The following C10orf143 variants were observed in gnomAD, a reference collection of about 807,000 sequenced individuals.
C10orf143 encodes chromosome 10 open reading frame 143.
intron 1 of C10orf143, chr10:130,107,258 C>T (rs774005782): frequency 9.1e-6 from 11 of 1,211,406 alleles, no homozygotes; most frequent in Admixed American, 5.0e-5. Flanking sequence ...GGAAAATAGC[C>T]GGTTAGAGAA....
At chr10:130,052,918 G>A (rs563736364) in intron 3 of C10orf143, among the ~76,000 whole-genome samples, 9 of 152,196 alleles carry the variant, frequency 5.9e-5, no homozygotes, top group African/African-American at 9.7e-5. Context: ...GAGGTCATTC[G>A]TACAGTAAAC....
chr10:130,106,690 C>G, intron 1 of C10orf143: 1 of 1,228,920 alleles, frequency 8.1e-7, no homozygotes, highest in South Asian at 1.2e-5. Context: ...TGAATGAAAA[C>G]TCTCACCTTC....
At chr10:130,099,025 T>C (rs1463584386) in intron 1 of C10orf143, among the ~76,000 whole-genome samples, 1 of 149,662 alleles carries the variant, frequency 6.7e-6, no homozygotes, top group Non-Finnish European at 1.5e-5. Flanking sequence ...GGGGCGGAGG[T>C]TGCAGTGAGC....
At chr10:130,105,529 G>A (rs1861626634) in intron 1 of C10orf143, among the ~76,000 whole-genome samples, 2 of 152,054 alleles carry the variant, frequency 1.3e-5, no homozygotes, top group South Asian at 2.1e-4. Context: ...TCAGGAGTTC[G>A]AGACCAGTCT....
chr10:130,084,486 C>G (rs560465410), intron 1 of C10orf143, among the ~76,000 whole-genome samples: 3 of 152,226 alleles, frequency 2.0e-5, no homozygotes, highest in African/African-American at 7.2e-5. Flanking sequence ...CTGTAAATAA[C>G]AAGAGCAAAG....
At chr10:130,086,983 C>G (rs1282108344) in intron 1 of C10orf143, among the ~76,000 whole-genome samples, 2 of 152,230 alleles carry the variant, frequency 1.3e-5, no homozygotes, top group Non-Finnish European at 2.9e-5. Flanking sequence ...AGGGTCCCGA[C>G]AGCCTGTAGT....
intron 3 of C10orf143, among the ~76,000 whole-genome samples, chr10:130,069,354 G>T (rs1860992857): frequency 6.6e-6 from 1 of 152,150 alleles, no homozygotes; most frequent in Admixed American, 6.5e-5. Context: ...AAATTATAAT[G>T]ATAGAGAAAT....
chr10:130,056,373 C>T lies in C10orf143; in HGVS notation c.298-20403G>A, dbSNP rs551685086. ...GGATGAGGGCAGCACCCCTGAGAGC[C>T]GCTGCATGCACAGGGCTCAACAGCA... On this transcript the variant is annotated intron_variant and NMD_transcript_variant, in intron 3 of 5. Transcript: ENST00000643056. This position sits in a 1 kb window ranked among gnomAD's most constrained non-coding sequence, Gnocchi z 4.6. Among the ~76,000 whole-genome samples, 62 of 152,150 alleles carry T rather than the reference C, an allele frequency of 4.1e-4. 1 individual carries two copies. The highest frequency in any genetic ancestry group is 2.9e-3 in the Admixed American group (44 of 15,290).
intron 1 of C10orf143, among the ~76,000 whole-genome samples, chr10:130,100,830 G>A (rs1479712349): frequency 1.3e-5 from 2 of 152,160 alleles, no homozygotes; most frequent in Non-Finnish European, 2.9e-5. Context: ...ATAGCATCAG[G>A]GAACTGTGGG....
At chr10:130,050,758 T>C (rs1159547637) in intron 3 of C10orf143, among the ~76,000 whole-genome samples, 4 of 152,220 alleles carry the variant, frequency 2.6e-5, no homozygotes, top group African/African-American at 9.6e-5. Flanking sequence ...TAAGAGATTG[T>C]TTTGAATATA....
At chr10:130,076,394 C>T (rs1861119271) in intron 3 of C10orf143, among the ~76,000 whole-genome samples, 1 of 152,128 alleles carries the variant, frequency 6.6e-6, no homozygotes, top group Admixed American at 6.5e-5. Flanking sequence ...GTCTGGGAAA[C>T]AGTCTCCACA....
chr10:130,092,491 T>C (rs1415721483), intron 1 of C10orf143, among the ~76,000 whole-genome samples: 1 of 152,122 alleles, frequency 6.6e-6, no homozygotes, highest in Non-Finnish European at 1.5e-5. Context: ...ATCGACAGTA[T>C]GAAGAAACTG....
At position 130,056,479 on chromosome 10, in the gene C10orf143, A is replaced by G. The variant is rs1178519814; in HGVS notation, c.298-20509T>C. Among the ~76,000 whole-genome samples the G allele has an allele frequency of 6.6e-6, 1 of 152,258 alleles. No individual in the cohort carries two copies. Among genetic ancestry groups the G allele is most frequent in the Non-Finnish European group, 1.5e-5 (1 of 68,052 alleles). On this transcript the variant is annotated intron_variant and NMD_transcript_variant, in intron 3 of 5. Transcript: ENST00000643056. The surrounding 1 kb of genome is among the most constrained non-coding windows in gnomAD (Gnocchi z 4.6). ...CTGAGAACTCATACTTGGCTGGTCC[A>G]TAGTCAGTGAGAAATGAGGAAAAGA...
At chr10:130,085,881 C>T (rs1244409900) in intron 1 of C10orf143, among the ~76,000 whole-genome samples, 1 of 152,132 alleles carries the variant, frequency 6.6e-6, no homozygotes, top group African/African-American at 2.4e-5. Context: ...TAATTATTCT[C>T]CTTTGAGCAA....
intron 3 of C10orf143, among the ~76,000 whole-genome samples, chr10:130,054,600 G>A (rs1286923625): frequency 2.0e-5 from 3 of 152,200 alleles, no homozygotes; most frequent in Admixed American, 1.3e-4. Context: ...CTTCCACACT[G>A]TTTTCCATAG....
chr10:130,058,153 G>A (rs907515336), intron 3 of C10orf143, among the ~76,000 whole-genome samples: 7 of 152,188 alleles, frequency 4.6e-5, no homozygotes, highest in African/African-American at 1.7e-4. Flanking sequence ...TATTCGAAAT[G>A]CAGAATCCCA....
chr10:130,044,321 A>G (rs1564951821), intron 3 of C10orf143, among the ~76,000 whole-genome samples: 1 of 152,040 alleles, frequency 6.6e-6, no homozygotes, highest in East Asian at 1.9e-4. Flanking sequence ...AAGAAATAGG[A>G]TATGCGGATG....
intron 1 of C10orf143, among the ~76,000 whole-genome samples, chr10:130,097,312 G>C (rs1480525378): frequency 3.3e-5 from 5 of 152,094 alleles, no homozygotes; most frequent in Admixed American, 3.3e-4. Context: ...CAGCATTTTG[G>C]GAGGCTGACT....
chr10:130,107,614 T>C (rs1190291763), intron 1 of C10orf143: 1 of 1,342,550 alleles, frequency 7.4e-7, no homozygotes, highest in Non-Finnish European at 1.1e-6. Flanking sequence ...CATCATTGGG[T>C]CGGCCTTCAT....
Sources: gnomAD v4.1 joint callset for allele counts (sites outside exome capture counted in the v4.1 genomes callset) on GRCh38, gnomAD v4.1.1 for gene constraint, Gnocchi (gnomAD v3.1) non-coding constraint, MANE v1.5 for transcripts, NCBI Gene and HGNC (gene_info 2026-07-23, HGNC 2026-07-21) for gene names.